CABLES2: variants seen among roughly 807,000 people sequenced by gnomAD.
CABLES2 encodes CDK5 and ABL1 enzyme substrate 2.
In CABLES2, 35 loss-of-function variants were observed where a neutral mutation model predicts 44.8. The observed-to-expected ratio is 0.78, with a 90% CI of 0.60 to 1.04. The LOEUF is 1.04. CABLES2 is among the 50% of genes least tolerant of loss of function. The probability of loss-of-function intolerance (pLI) is 0.00; values close to 1 mark genes in which losing one functional copy is unlikely to be tolerated. For synonymous variants in CABLES2, 282 were observed against 281.1 expected (o/e 1.00, Z -0.03); for missense variants, 566 against 615.7 (o/e 0.92, Z 0.85).
At chr20:62,397,989 G>GTGGTGATGGTGGTGACGGTGGTGA in intron 1 of CABLES2, among the ~76,000 whole-genome samples, 1 of 58,318 alleles carries the variant, frequency 1.7e-5, no homozygotes, top group Non-Finnish European at 4.4e-5. Flanking sequence ...GATGGCGGTG[G>GTGGTGATGGTGGTGACGGTGGTGA]TGGTGATGAT....
Position 62,393,586 on chromosome 20 carries a change from A to G in CABLES2, c.734T>C (p.Phe245Ser). ...GACCAGGGCGTTGGTGGGATACAGG[A>G]ACTTCGCATAAGACACGACCTGGAA... The part of the protein sequence containing the change: ...ADGKVVSYAK[F>S]LYPTNALVTH... Residue 245 changes from phenylalanine to serine, a missense_variant, in exon 6 of 10, where the codon TTC becomes TCC. By Grantham distance (155) the Phe-to-Ser change is radical (BLOSUM62 -2). Coordinates refer to ENST00000279101, the MANE Select transcript of CABLES2 (RefSeq NM_031215.3). 2 of 1,601,004 alleles carry G rather than the reference A, an allele frequency of 1.2e-6. No homozygotes were observed. Among genetic ancestry groups the G allele is most frequent in the South Asian group, 2.2e-5 (2 of 89,346 alleles).
At position 62,393,489 on chromosome 20, in the gene CABLES2, T is replaced by A; in HGVS notation, c.831A>T (p.Ser277=). Residue 277 remains serine (S), a synonymous_variant, in exon 6 of 10, where the codon TCA becomes TCT. Coordinates refer to ENST00000279101, the MANE Select transcript of CABLES2 (RefSeq NM_031215.3). The part of the protein sequence containing the change: ...RPSVPRTLPG[S]RHKPAPTKSA... ...ACTTGGTGGGGGCAGGTTTATGTCT[T>A]GACCCTGGCAGAGTCCGGGGGACAC... 6.2e-7 allele frequency: 1 copy of A among 1,613,242 alleles called. No individual in the cohort carries two copies. Among genetic ancestry groups the A allele is most frequent in the Non-Finnish European group, 8.5e-7 (1 of 1,179,564 alleles).
chr20:62,406,470 C>G (rs1016589270), intron 1 of CABLES2, among the ~76,000 whole-genome samples: 2 of 152,010 alleles, frequency 1.3e-5, no homozygotes, highest in African/African-American at 4.8e-5. Flanking sequence ...GCACTGACAA[C>G]GTGGAGATCC....
rs760322281 is a variant in CABLES2, at chr20:62,393,041, C to G, written c.881-18G>C. On this transcript the variant is annotated intron_variant, in intron 6 of 9. Coordinates refer to ENST00000279101, the MANE Select transcript of CABLES2 (RefSeq NM_031215.3). ...GTCACTCCCTGTAAGAGAGGCAACC[C>G]CTGACCCACCAGGAGTCTTGAGCAG... 1 of 1,601,110 alleles carries G rather than the reference C, an allele frequency of 6.2e-7. No homozygotes were observed. Among genetic ancestry groups the G allele is most frequent in the South Asian group, 1.1e-5 (1 of 90,834 alleles).
At chr20:62,401,956 C>A (rs1192534603) in intron 1 of CABLES2, among the ~76,000 whole-genome samples, 1 of 152,244 alleles carries the variant, frequency 6.6e-6, no homozygotes, top group Admixed American at 6.5e-5. Context: ...GGCCCACGCC[C>A]CACACCCCAC....
chr20:62,401,255 C>T (rs919331707), intron 1 of CABLES2, among the ~76,000 whole-genome samples: 4 of 152,228 alleles, frequency 2.6e-5, no homozygotes, highest in Non-Finnish European at 5.9e-5. Context: ...CACATGGGTG[C>T]AGGGCAGGGC....
rs930928711 is a variant in CABLES2 at position 62,396,977 on chromosome 20, G to A, written c.363-385C>T. 1.3e-5 allele frequency among the ~76,000 whole-genome samples: 2 copies of A among 152,132 alleles called. No individual in the cohort carries two copies. Among genetic ancestry groups the A allele is most frequent in the Admixed American group, 1.3e-4 (2 of 15,280 alleles). ...GCCCATCCCACCCAGCGCTGCCTGAGACTGGTGCTGCCTGCCCCTCCCTGA... is the reference window on the plus strand; with the variant it reads ...GCCCATCCCACCCAGCGCTGCCTGAAACTGGTGCTGCCTGCCCCTCCCTGA... On this transcript the variant is annotated intron_variant, in intron 1 of 9. Coordinates refer to ENST00000279101, the MANE Select transcript of CABLES2 (RefSeq NM_031215.3). The surrounding 1 kb of genome is among the most constrained non-coding windows in gnomAD (Gnocchi z 5.7).
chr20:62,395,791 G>A (rs1321741920), intron 3 of CABLES2, among the ~76,000 whole-genome samples: 1 of 152,242 alleles, frequency 6.6e-6, no homozygotes, highest in Admixed American at 6.5e-5. Context: ...AAGGAAGGGA[G>A]CACTCTGGAC....
chr20:62,392,290 G>T, intron 8 of CABLES2, 99 bp downstream of exon 8: 2 of 905,250 alleles, frequency 2.2e-6, no homozygotes, highest in Non-Finnish European at 3.6e-6. Flanking sequence ...ATGGGCAGCG[G>T]CTAGACTTGT....
chr20:62,397,358 AGG>A (rs1476421912), intron 1 of CABLES2, among the ~76,000 whole-genome samples: 1 of 152,118 alleles, frequency 6.6e-6, no homozygotes, highest in African/African-American at 2.4e-5. Context: ...TGGATGGGGC[AGG>A]GTCTGTCCCC....
chr20:62,400,494 A>C (rs7362041), intron 1 of CABLES2, among the ~76,000 whole-genome samples: 1 of 152,070 alleles, frequency 6.6e-6, no homozygotes, highest in Non-Finnish European at 1.5e-5. Flanking sequence ...GAAAGAAGCC[A>C]GTGAAGGAGG....
chr20:62,395,153 G>A, intron 3 of CABLES2, 139 bp from the exon 4 acceptor site: 1 of 702,314 alleles, frequency 1.4e-6, no homozygotes, highest in Admixed American at 2.4e-5. Flanking sequence ...TGCTGTCCAA[G>A]GGGACTTGAG....
intron 1 of CABLES2, among the ~76,000 whole-genome samples, chr20:62,400,587 G>A (rs1303390105): frequency 6.6e-6 from 1 of 152,210 alleles, no homozygotes; most frequent in African/African-American, 2.4e-5. Flanking sequence ...ACCAGCCTGT[G>A]TGTCTTTCTG....
intron 1 of CABLES2, among the ~76,000 whole-genome samples, chr20:62,400,210 C>T (rs1228545457): frequency 6.6e-6 from 1 of 151,458 alleles, no homozygotes; most frequent in Non-Finnish European, 1.5e-5. Context: ...CAGAGGAGAG[C>T]ACTTGGATGA....
At position 62,407,047 on chromosome 20, in the gene CABLES2, T is replaced by G. The variant is rs1988308673; in HGVS notation, c.230A>C (p.Glu77Ala). Reference protein sequence around the residue: ...GGEKPPPPPAEAREPPAPPPP... With the variant: ...GGEKPPPPPAAAREPPAPPPP... ...CGGCGGCGCTGGCGGTTCGCGGGCC[T>G]CGGCGGGCGGCGGCGGGGGCTTCTC... The change falls in exon 1 of 10, where the codon GAG (glutamate) becomes GCG (alanine). Residue 77 changes from glutamate to alanine, a missense_variant. Glu to Ala is a moderately radical substitution (Grantham distance 107, BLOSUM62 -1). This residue lies in a region of CABLES2 where 436 missense variants were observed against 536.3 expected (regional missense o/e 0.81). Coordinates refer to ENST00000279101, the MANE Select transcript of CABLES2 (RefSeq NM_031215.3). 9.0e-7 allele frequency: 1 copy of G among 1,106,786 alleles called. No homozygotes were observed. Among genetic ancestry groups the G allele is most frequent in the Non-Finnish European group, 1.1e-6 (1 of 908,676 alleles). The allele number at this position is 1,106,786 out of a possible 1,614,324, so 68.6% of individuals were successfully genotyped here. A position where few individuals can be genotyped will look rare whatever the true frequency, so the allele number is the denominator to read the frequency against.
Position 62,396,252 on chromosome 20 carries a change from G to A in CABLES2, c.527+63C>T. The A allele has an allele frequency of 5.7e-6, 8 of 1,391,310 alleles. No homozygotes were observed. Among genetic ancestry groups the A allele is most frequent in the East Asian group, 2.3e-5 (1 of 43,794 alleles). 86.2% of individuals were successfully genotyped at this position (1,391,310 alleles called of 1,614,324 possible). A position where few individuals can be genotyped will look rare whatever the true frequency, so the allele number is the denominator to read the frequency against. On this transcript the variant is annotated intron_variant, in intron 3 of 9. Coordinates refer to ENST00000279101, the MANE Select transcript of CABLES2 (RefSeq NM_031215.3). The surrounding 1 kb of genome is among the most constrained non-coding windows in gnomAD (Gnocchi z 5.7). ...GAGGGAAGATTGCTTGGCTGACAGG[G>A]GCAGGACCCCGTGGGCTTATGGAGA...
At position 62,398,113 on chromosome 20, in the gene CABLES2, T is replaced by C. The variant is rs1312544007; in HGVS notation, c.363-1521A>G. 1.9e-3 allele frequency among the ~76,000 whole-genome samples: 261 copies of C among 135,182 alleles called. 8 individuals carry two copies. The highest frequency in any genetic ancestry group is 6.9e-3 in the African/African-American group (245 of 35,466). The allele number at this position is 135,182 out of a possible 152,430, so 88.7% of individuals were successfully genotyped here. On this transcript the variant is annotated intron_variant, in intron 1 of 9. Coordinates refer to ENST00000279101, the MANE Select transcript of CABLES2 (RefSeq NM_031215.3). Reference sequence around the variant, plus strand: ...ACGGTGGTGGTGGTGGTGATGGTGGTGGTGGTGGTGGTTATGACGGTGGTG... The same window carrying C: ...ACGGTGGTGGTGGTGGTGATGGTGGCGGTGGTGGTGGTTATGACGGTGGTG...
intron 6 of CABLES2, 62 bp from the exon 7 acceptor site, chr20:62,393,085 G>T: frequency 6.9e-7 from 1 of 1,443,038 alleles, no homozygotes; most frequent in Non-Finnish European, 9.7e-7. Context: ...TAGCCCCAAG[G>T]CCTGGCAGGC....
At chr20:62,398,112 G>GTGACGGTGGTGGTGGTGGTGGTGA (rs1339332334) in intron 1 of CABLES2, among the ~76,000 whole-genome samples, 1 of 130,264 alleles carries the variant, frequency 7.7e-6, no homozygotes, top group East Asian at 2.7e-4. Flanking sequence ...GGTGATGGTG[G>GTGACGGTGGTGGTGGTGGTGGTGA]TGGTGGTGGT....
Sources: allele counts gnomAD v4.1 joint callset (sites outside exome capture counted in the v4.1 genomes callset), GRCh38; gene constraint gnomAD v4.1.1; regional missense constraint gnomAD v4.1.1; non-coding constraint Gnocchi (gnomAD v3.1); transcripts MANE v1.5; gene names NCBI Gene and HGNC (gene_info 2026-07-23, HGNC 2026-07-21).